DNAI7: variants seen among roughly 807,000 people sequenced by gnomAD.
The protein encoded by DNAI7 is dynein axonemal intermediate chain 7, also known as cancer susceptibility 1.
Under a neutral mutation model 86.6 loss-of-function variants are expected in DNAI7, and 78 were observed. The ratio of observed to expected loss-of-function variants is 0.90; its 90% CI spans 0.75 to 1.09. The LOEUF is 1.09. Among genes scored for constraint, DNAI7 ranks in the 50% least tolerant of loss-of-function variants. The pLI is 0.00. For synonymous variants in DNAI7, 274 were observed against 273.0 expected, an observed-to-expected ratio of 1.00 and a Z score of -0.04; for missense variants, 753 against 810.2, an observed-to-expected ratio of 0.93 and a Z score of 0.86.
At position 25,150,379 on chromosome 12, in the gene DNAI7, C is replaced by T. The variant is rs938971839; in HGVS notation, c.439-605G>A. Among the ~76,000 whole-genome samples the T allele has an allele frequency of 3.9e-4, 60 of 152,156 alleles. 1 individual carries two copies. Among genetic ancestry groups the T allele is most frequent in the African/African-American group, 1.3e-3 (56 of 41,528 alleles). On this transcript the variant is annotated intron_variant, in intron 6 of 15. Coordinates refer to ENST00000395987, the MANE Select transcript of DNAI7 (RefSeq NM_018272.5). ...CAGCACTTTGGGAGGCCAAGGCGGGCAGATCACGAGGTCAGGAGATCAAGA... is the reference window on the plus strand; with the variant it reads ...CAGCACTTTGGGAGGCCAAGGCGGGTAGATCACGAGGTCAGGAGATCAAGA...
chr12:25,165,888 C>T (rs536049929), intron 2 of DNAI7, among the ~76,000 whole-genome samples: 68 of 152,260 alleles, frequency 4.5e-4, no homozygotes, highest in Admixed American at 1.5e-3. Flanking sequence ...TATCCCCACC[C>T]GCCCAGTTCA....
intron 9 of DNAI7, among the ~76,000 whole-genome samples, chr12:25,132,588 G>A: frequency 1.4e-5 from 2 of 142,470 alleles, no homozygotes; most frequent in South Asian, 4.2e-4. Flanking sequence ...TATTTATTTT[G>A]TTCTATTATT....
Position 25,179,437 on chromosome 12 carries a change from T to C in DNAI7, c.21+11177A>G, listed in dbSNP as rs1196346667. ...ACTGATTTTTTAAACATTATTCTAT[T>C]AATTATTGAAAGAGAAAATCTTCCA... On this transcript the variant is annotated intron_variant, in intron 2 of 15. Coordinates refer to ENST00000395987, the MANE Select transcript of DNAI7 (RefSeq NM_018272.5). Among the ~76,000 whole-genome samples the C allele has an allele frequency of 5.9e-5, 9 of 152,276 alleles. 1 individual carries two copies. In the East Asian group the frequency reaches 1.7e-3, roughly 29 times the overall value.
intron 9 of DNAI7, among the ~76,000 whole-genome samples, chr12:25,130,672 C>T (rs7298884): frequency 0.68 from 104,037 of 151,998 alleles, 39,653 homozygotes; most frequent in East Asian, 0.99. Context: ...TTCAAAGACC[C>T]ACATACTATA....
At chr12:25,180,771 T>C (rs184137854) in intron 2 of DNAI7, among the ~76,000 whole-genome samples, 55 of 152,222 alleles carry the variant, frequency 3.6e-4, no homozygotes, top group Non-Finnish European at 3.8e-4. Context: ...TCTTAACATA[T>C]ATAAAAATTA....
chr12:25,184,061 T>A (rs1175891145), intron 2 of DNAI7, among the ~76,000 whole-genome samples: 1 of 152,152 alleles, frequency 6.6e-6, no homozygotes, highest in Non-Finnish European at 1.5e-5. Flanking sequence ...CAATCTGTCC[T>A]TCCCCTACCA....
intron 3 of DNAI7, among the ~76,000 whole-genome samples, chr12:25,159,703 C>T (rs541882428): frequency 1.1e-4 from 16 of 152,040 alleles, no homozygotes; most frequent in Admixed American, 8.5e-4. Context: ...ATGTGAAGTA[C>T]ATATTGAAGA....
rs372086551 is a variant in DNAI7 at position 25,168,013 on chromosome 12, G to T, written c.22-6816C>A. Among the ~76,000 whole-genome samples, 26 of 152,190 alleles carry T rather than the reference G, an allele frequency of 1.7e-4. No individual in the cohort carries two copies. The East Asian group carries it at 2.9e-3, about 17-fold the overall frequency. The stretch of plus-strand genomic sequence containing the variant: ...CCAGCCCCGAAAATAACAGTGAAAG[G>T]TTGGTCGTAGACACTCGACGTTTTC... On this transcript the variant is annotated intron_variant, in intron 2 of 15. Transcript: ENST00000395987.
chr12:25,150,786 C>T (rs761542794), intron 6 of DNAI7, among the ~76,000 whole-genome samples: 7 of 151,816 alleles, frequency 4.6e-5, no homozygotes, highest in South Asian at 2.1e-4. Flanking sequence ...AGTTAATAAA[C>T]GAGTGGCAAC....
intron 2 of DNAI7, among the ~76,000 whole-genome samples, chr12:25,177,534 A>G (rs1472195237): frequency 6.6e-6 from 1 of 152,194 alleles, no homozygotes; most frequent in Non-Finnish European, 1.5e-5. Context: ...ATAGTAATCC[A>G]TTGATTTATT....
intron 10 of DNAI7, among the ~76,000 whole-genome samples, chr12:25,122,442 T>G (rs1215756847): frequency 1.3e-5 from 1 of 76,284 alleles, no homozygotes; most frequent in Non-Finnish European, 2.2e-5. Context: ...GAGCAAGATC[T>G]CATCTCAAAA....
chr12:25,144,715 C>A, intron 8 of DNAI7, 38 bp from the exon 9 acceptor site: 3 of 1,463,288 alleles, frequency 2.1e-6, no homozygotes, highest in Non-Finnish European at 1.9e-6. Flanking sequence ...AGATGAGACC[C>A]TAGGAAACTC....
intron 9 of DNAI7, among the ~76,000 whole-genome samples, chr12:25,136,631 G>A (rs1305958937): frequency 6.6e-6 from 1 of 152,066 alleles, no homozygotes; most frequent in African/African-American, 2.4e-5. Context: ...ATCAGAGAAA[G>A]GTGAAAACCA....
Position 25,177,031 on chromosome 12 carries a change from T to C in DNAI7, c.21+13583A>G, listed in dbSNP as rs571182598. Among the ~76,000 whole-genome samples, 69 of 151,420 alleles carry C rather than the reference T, an allele frequency of 4.6e-4. 1 individual carries two copies. The East Asian group carries it at 0.013, about 29-fold the overall frequency. On this transcript the variant is annotated intron_variant, in intron 2 of 15. Coordinates refer to ENST00000395987, the MANE Select transcript of DNAI7 (RefSeq NM_018272.5). Reference sequence around the variant, plus strand: ...AATTCTCCTGCCTCAACCTCCTGAGTAGCTGGGATTACAGGTGCCCACCAC... The same window carrying C: ...AATTCTCCTGCCTCAACCTCCTGAGCAGCTGGGATTACAGGTGCCCACCAC...
At chr12:25,168,985 C>T (rs1947816015) in intron 2 of DNAI7, among the ~76,000 whole-genome samples, 1 of 152,150 alleles carries the variant, frequency 6.6e-6, no homozygotes, top group Non-Finnish European at 1.5e-5. Context: ...CCTAATCCCG[C>T]TTGAAGCAGC....
chr12:25,111,940 C>T lies in DNAI7; in HGVS notation c.1612-1G>A. 2 of 1,565,034 alleles carry T rather than the reference C, an allele frequency of 1.3e-6. No homozygotes were observed. The highest frequency in any genetic ancestry group is 2.3e-5 in the East Asian group (1 of 44,114). ...TTGAAGATAACATGCAGAGGTTTTC[C>T]TAGTTTAAATAAGAAAAAAGAAGCT... On this transcript the variant is annotated splice_acceptor_variant, in intron 13 of 15. Coordinates refer to ENST00000395987, the MANE Select transcript of DNAI7 (RefSeq NM_018272.5). LOFTEE classifies it high-confidence loss of function.
At chr12:25,117,925 A>G (rs963865032) in intron 12 of DNAI7, among the ~76,000 whole-genome samples, 2 of 127,676 alleles carry the variant, frequency 1.6e-5, no homozygotes. Flanking sequence ...AACTATTTTG[A>G]TATTTTCTTT....
chr12:25,110,210 G>A lies in DNAI7; in HGVS notation c.1810C>T (p.Gln604Ter). The change falls in exon 15 of 16, where the codon CAG (glutamine) becomes TAG (stop). Residue 604 changes from glutamine to a stop codon, truncating the protein, a stop_gained. Transcript: ENST00000395987. LOFTEE classifies it high-confidence loss of function. ...VPLVEVKAYR[Q>*]MALLSSAFAF... is the part of the protein sequence containing the mutation. Reference sequence around the variant, plus strand: ...AAAGCAGAACTTAGTAGGGCCATCTGTCGATAAGCTTTCACTTCTACCAAA... The same window carrying A: ...AAAGCAGAACTTAGTAGGGCCATCTATCGATAAGCTTTCACTTCTACCAAA... The A allele has an allele frequency of 1.2e-6, 2 of 1,610,390 alleles. No homozygotes were observed. Among genetic ancestry groups the A allele is most frequent in the Non-Finnish European group, 1.7e-6 (2 of 1,176,682 alleles).
Position 25,144,413 on chromosome 12 carries a change from C to G in DNAI7, c.954G>C (p.Glu318Asp). The G allele has an allele frequency of 6.2e-7, 1 of 1,614,054 alleles. No individual in the cohort carries two copies. Among genetic ancestry groups the G allele is most frequent in the African/African-American group, 1.3e-5 (1 of 75,030 alleles). ...GTTCCTCCTCAACTTTTATTTCTTC[C>G]TCCTGAATTAAGTGAGACCCTCTTT... ...QQERGSHLIQ[E>D]EEIKVEEEQG... Residue 318 changes from glutamate (E) to aspartate (D), a missense_variant, in exon 9 of 16, where the codon GAG becomes GAC. Coordinates refer to ENST00000395987, the MANE Select transcript of DNAI7 (RefSeq NM_018272.5).
Sources: allele counts gnomAD v4.1 joint callset (sites outside exome capture counted in the v4.1 genomes callset), GRCh38; gene constraint gnomAD v4.1.1; transcripts MANE v1.5; gene names NCBI Gene and HGNC (gene_info 2026-07-23, HGNC 2026-07-21).